The following ARB2A variants were observed in gnomAD, a reference collection of about 807,000 sequenced individuals.
ARB2A encodes the protein cotranscriptional regulator ARB2A.
At chr5:93,770,550 A>T in the ARB2A span, among the ~76,000 whole-genome samples, 1 of 152,166 alleles carries the variant, frequency 6.6e-6, no homozygotes, top group Admixed American at 6.5e-5. Context: ...TTGTATATCT[A>T]GAAAACCCCA....
At chr5:93,644,911 T>C in the ARB2A span, among the ~76,000 whole-genome samples, 3 of 152,230 alleles carry the variant, frequency 2.0e-5, no homozygotes, top group Non-Finnish European at 4.4e-5. Context: ...AACAGCACCT[T>C]GAATATGGCT....
At chr5:93,896,281 C>G in the ARB2A span, among the ~76,000 whole-genome samples, 3 of 152,046 alleles carry the variant, frequency 2.0e-5, no homozygotes, top group African/African-American at 7.2e-5. Flanking sequence ...CCGTAATGCT[C>G]CAAAATCCTA....
At chr5:93,924,692 T>C in the ARB2A span, among the ~76,000 whole-genome samples, 1 of 151,796 alleles carries the variant, frequency 6.6e-6, no homozygotes. Flanking sequence ...CAAATAAGAG[T>C]AGATCCACAA....
At chr5:93,747,071 G>T in the ARB2A span, among the ~76,000 whole-genome samples, 1 of 152,046 alleles carries the variant, frequency 6.6e-6, no homozygotes, top group African/African-American at 2.4e-5. Flanking sequence ...TTTTAGAGCA[G>T]GAGATGCACA....
chr5:94,093,211 C>G, the ARB2A span, among the ~76,000 whole-genome samples: 3 of 151,864 alleles, frequency 2.0e-5, no homozygotes, highest in Admixed American at 6.6e-5. Context: ...TATAGGAAAC[C>G]GTGCTCTACT....
chr5:93,938,050 C>A, the ARB2A span, among the ~76,000 whole-genome samples: 1 of 152,116 alleles, frequency 6.6e-6, no homozygotes, highest in East Asian at 1.9e-4. Context: ...AATGTAGTCT[C>A]TTTTCAAAAG....
At chr5:93,798,026 G>T in the ARB2A span, among the ~76,000 whole-genome samples, 4 of 151,976 alleles carry the variant, frequency 2.6e-5, no homozygotes, top group Non-Finnish European at 5.9e-5. Flanking sequence ...AGAATAAAAG[G>T]GACTCCTTGA....
chr5:93,989,054 T>A, the ARB2A span, among the ~76,000 whole-genome samples: 6 of 152,190 alleles, frequency 3.9e-5, no homozygotes, highest in Non-Finnish European at 7.4e-5. Context: ...TAACATATAC[T>A]AGCAGACAAA....
At chr5:94,005,093 T>G in the ARB2A span, among the ~76,000 whole-genome samples, 2 of 139,566 alleles carry the variant, frequency 1.4e-5, no homozygotes, top group African/African-American at 5.3e-5. Context: ...AAAAGAGACA[T>G]GTTCACAGTA....
chr5:93,894,270 T>C, the ARB2A span, among the ~76,000 whole-genome samples: 1 of 152,156 alleles, frequency 6.6e-6, no homozygotes, highest in Non-Finnish European at 1.5e-5. Flanking sequence ...ACATTTATAA[T>C]TAGAACACAA....
chr5:93,722,050 G>A, the ARB2A span, among the ~76,000 whole-genome samples: 3 of 151,904 alleles, frequency 2.0e-5, no homozygotes, highest in African/African-American at 7.3e-5. Context: ...TCCACTACAT[G>A]GGTTTTGTGT....
At chr5:93,825,112 T>A in the ARB2A span, among the ~76,000 whole-genome samples, 1 of 152,222 alleles carries the variant, frequency 6.6e-6, no homozygotes, top group African/African-American at 2.4e-5. Context: ...ATCCAAATTG[T>A]TAAAAATGTC....
chr5:94,016,537 T>G, the ARB2A span, among the ~76,000 whole-genome samples: 1 of 152,226 alleles, frequency 6.6e-6, no homozygotes, highest in Non-Finnish European at 1.5e-5. Context: ...TTGTCCCTCC[T>G]TTGTATACTA....
the ARB2A span, among the ~76,000 whole-genome samples, chr5:93,847,042 T>C: frequency 6.6e-6 from 1 of 152,226 alleles, no homozygotes; most frequent in Non-Finnish European, 1.5e-5. Flanking sequence ...TTACGTAATA[T>C]TTGTAATCCT....
the ARB2A span, among the ~76,000 whole-genome samples, chr5:93,847,199 G>A: frequency 6.6e-6 from 1 of 152,146 alleles, no homozygotes; most frequent in Non-Finnish European, 1.5e-5. Context: ...CACATCTTGA[G>A]GCTCCATTTC....
chr5:93,830,042 G>A, the ARB2A span, among the ~76,000 whole-genome samples: 1 of 151,914 alleles, frequency 6.6e-6, no homozygotes, highest in African/African-American at 2.4e-5. Context: ...ACTTTTGAGA[G>A]TGAAGAAAGA....
the ARB2A span, chr5:93,958,831 T>C: frequency 8.7e-6 from 14 of 1,603,944 alleles, 1 homozygote; most frequent in Admixed American, 5.0e-5. Context: ...GATCTTCATT[T>C]ATAATAAGTC....
the ARB2A span, among the ~76,000 whole-genome samples, chr5:93,939,296 ATAAG>A: frequency 1.3e-5 from 2 of 152,172 alleles, no homozygotes; most frequent in East Asian, 1.9e-4. Flanking sequence ...AAGTATTTTA[ATAAG>A]TAAGAAATAA....
At chr5:93,620,137 A>C in the ARB2A span, 1 of 152,248 alleles carries the variant, frequency 6.6e-6, no homozygotes, top group East Asian at 1.9e-4. Flanking sequence ...TTATGTGTTT[A>C]AAAAGTAAAG....
Sources: gnomAD v4.1 joint callset for allele counts (sites outside exome capture counted in the v4.1 genomes callset) on GRCh38, gnomAD v4.1.1 for gene constraint, MANE v1.5 for transcripts, NCBI Gene and HGNC (gene_info 2026-07-23, HGNC 2026-07-21) for gene names.